Variants in TRMT1L observed in about 807,000 individuals in gnomAD.
TRMT1L encodes tRNA methyltransferase 1L.
Under a neutral mutation model 81.6 loss-of-function variants are expected in TRMT1L, and 28 were observed. The observed-to-expected ratio is 0.34, with a 90% CI of 0.25 to 0.47. TRMT1L has a LOEUF of 0.47. Among genes scored for constraint, TRMT1L ranks in the 20% least tolerant of loss-of-function variants. The pLI is 1.00. For synonymous variants in TRMT1L, 301 were observed against 303.2 expected, an observed-to-expected ratio of 0.99 and a Z score of 0.07; for missense variants, 739 against 877.1, an observed-to-expected ratio of 0.84 and a Z score of 1.99.
At chr1:185,149,559 T>G (rs914918317) in intron 3 of TRMT1L, among the ~76,000 whole-genome samples, 1 of 151,896 alleles carries the variant, frequency 6.6e-6, no homozygotes, top group South Asian at 2.1e-4. Context: ...CTGCCTCAGC[T>G]TCCCAAAGTG....
intron 11 of TRMT1L, 139 bp from the exon 12 acceptor site, chr1:185,125,249 GATTTA>G (rs1483197851): frequency 3.0e-5 from 16 of 534,222 alleles, no homozygotes; most frequent in Non-Finnish European, 4.8e-5. Context: ...AAGAATTTAT[GATTTA>G]ATTTAAAACT....
rs191670733 is a variant in TRMT1L, at chr1:185,129,037, T to C, written c.1514-290A>G. ...AATCTCAATTATACAGATCAGAGGA[T>C]TAAAGCTTGAGAGAGGTGGAAATTC... On this transcript the variant is annotated intron_variant, in intron 10 of 14. Coordinates refer to ENST00000367506, the MANE Select transcript of TRMT1L (RefSeq NM_030934.5). Among the ~76,000 whole-genome samples, 513 of 152,222 alleles carry C rather than the reference T, an allele frequency of 3.4e-3. 5 individuals are homozygous for C. Among genetic ancestry groups the C allele is most frequent in the African/African-American group, 0.012 (501 of 41,536 alleles).
chr1:185,157,113 A>C (rs544628698), upstream of TRMT1L: 3 of 186,784 alleles, frequency 1.6e-5, no homozygotes, highest in African/African-American at 7.1e-5. Flanking sequence ...GCGGGGCCGG[A>C]GTTCAAGCCT....
At chr1:185,127,759 CAAAA>C (rs986438990) in intron 11 of TRMT1L, among the ~76,000 whole-genome samples, 1 of 36,448 alleles carries the variant, frequency 2.7e-5, no homozygotes, top group African/African-American at 9.2e-5. Context: ...AACTCTGTCT[CAAAA>C]AAAAAAAAAA....
intron 10 of TRMT1L, among the ~76,000 whole-genome samples, chr1:185,135,364 C>T (rs553354259): frequency 2.7e-4 from 41 of 149,338 alleles, no homozygotes; most frequent in South Asian, 1.1e-3. Context: ...TGCAGTGAGC[C>T]GATACTGTGC....
At chr1:185,126,344 G>A (rs929261157) in intron 11 of TRMT1L, among the ~76,000 whole-genome samples, 1 of 152,080 alleles carries the variant, frequency 6.6e-6, no homozygotes, top group Non-Finnish European at 1.5e-5. Context: ...GCCCAGGCTA[G>A]AGTGCACTGG....
At chr1:185,155,090 T>C (rs890609145) in intron 1 of TRMT1L, among the ~76,000 whole-genome samples, 2 of 152,254 alleles carry the variant, frequency 1.3e-5, no homozygotes, top group East Asian at 3.8e-4. Context: ...TCTCAATCAT[T>C]ACATATTTGT....
At chr1:185,142,234 C>A (rs1653069735) in intron 7 of TRMT1L, among the ~76,000 whole-genome samples, 1 of 152,110 alleles carries the variant, frequency 6.6e-6, no homozygotes, top group Non-Finnish European at 1.5e-5. Context: ...AATAGATGAG[C>A]AAATTGAGGC....
Position 185,130,540 on chromosome 1 carries a change from T to C in TRMT1L, c.1514-1793A>G, listed in dbSNP as rs1460972476. Among the ~76,000 whole-genome samples, 6 of 152,278 alleles carry C rather than the reference T, an allele frequency of 3.9e-5. No homozygotes were observed. The South Asian group carries it at 1.2e-3, about 32-fold the overall frequency. ...CAACAAAACAGAAAGTTCATTAGTG[T>C]TTTGGGACCCTGCGACGGCCTGAAA... On this transcript the variant is annotated intron_variant, in intron 10 of 14. Transcript: ENST00000367506.
chr1:185,156,986 G>C, upstream of TRMT1L: 1 of 490,176 alleles, frequency 2.0e-6, no homozygotes, highest in Non-Finnish European at 3.6e-6. Context: ...AAGCGTACTG[G>C]GGACGGCGTC....
At chr1:185,137,443 C>T (rs185346954) in intron 10 of TRMT1L, 163 bp downstream of exon 10, 408 of 756,040 alleles carry the variant, frequency 5.4e-4, no homozygotes, top group Non-Finnish European at 7.6e-4. Flanking sequence ...TAAACTCACA[C>T]GAATGTCTTG....
At chr1:185,154,243 G>A (rs1267943526) in intron 1 of TRMT1L, among the ~76,000 whole-genome samples, 1 of 152,120 alleles carries the variant, frequency 6.6e-6, no homozygotes, top group East Asian at 1.9e-4. Flanking sequence ...AGCCTCCATG[G>A]AATGTAGTGG....
chr1:185,124,935 G>C lies in TRMT1L; in HGVS notation c.1759+9C>G, dbSNP rs556821716. 2 of 1,607,382 alleles carry C rather than the reference G, an allele frequency of 1.2e-6. No homozygotes were observed. The highest frequency in any genetic ancestry group is 1.7e-6 in the Non-Finnish European group (2 of 1,176,284). On this transcript the variant is annotated intron_variant, in intron 12 of 14. Coordinates refer to ENST00000367506, the MANE Select transcript of TRMT1L (RefSeq NM_030934.5). ...TTTAAAGCTAGTAAGCTAGCGTTCA[G>C]TTAGTCACCTTGCTTGTTGACATTT... is the stretch of plus-strand genomic sequence containing the variant.
At chr1:185,123,982 G>A (rs1229685020) in intron 12 of TRMT1L, 63 bp from the exon 13 acceptor site, 2 of 946,228 alleles carry the variant, frequency 2.1e-6, no homozygotes, top group Non-Finnish European at 3.0e-6. Context: ...CAACAACTCA[G>A]TTTAAATAAA....
intron 10 of TRMT1L, among the ~76,000 whole-genome samples, chr1:185,129,665 GA>G (rs369238962): frequency 5.7e-4 from 87 of 152,302 alleles, no homozygotes; most frequent in Middle Eastern, 3.4e-3. Flanking sequence ...AACACAGGTC[GA>G]TAGCCTCTTG....
chr1:185,125,997 G>C (rs550639044), intron 11 of TRMT1L, among the ~76,000 whole-genome samples: 4 of 152,152 alleles, frequency 2.6e-5, no homozygotes, highest in Non-Finnish European at 4.4e-5. Context: ...AATCTGATAT[G>C]CTTCCCATTT....
chr1:185,122,446 G>C (rs965580425), intron 13 of TRMT1L, among the ~76,000 whole-genome samples: 2 of 151,970 alleles, frequency 1.3e-5, no homozygotes, highest in African/African-American at 4.8e-5. Context: ...TTTTGAGATG[G>C]AGTTTGGCTG....
chr1:185,152,507 G>T (rs1653388538), intron 1 of TRMT1L, among the ~76,000 whole-genome samples: 1 of 152,216 alleles, frequency 6.6e-6, no homozygotes, highest in Non-Finnish European at 1.5e-5. Flanking sequence ...ACGCAAGTTA[G>T]TTTGAACTTT....
chr1:185,140,719 C>T (rs754863247), intron 7 of TRMT1L, among the ~76,000 whole-genome samples: 2 of 151,812 alleles, frequency 1.3e-5, no homozygotes, highest in Non-Finnish European at 2.9e-5. Flanking sequence ...TGGCTCACAC[C>T]TGTAATCTCT....
Sources: gnomAD v4.1 joint callset for allele counts (sites outside exome capture counted in the v4.1 genomes callset) on GRCh38, gnomAD v4.1.1 for gene constraint, MANE v1.5 for transcripts, NCBI Gene and HGNC (gene_info 2026-07-23, HGNC 2026-07-21) for gene names.